TAS1R2: variants seen among roughly 807,000 people sequenced by gnomAD.
TAS1R2 encodes the protein taste 1 receptor member 2.
TAS1R2 carries 47 observed loss-of-function variants against 49.3 expected under a neutral mutation model. That is an observed-to-expected ratio of 0.95 (90% CI 0.75 to 1.22). The LOEUF (loss-of-function observed/expected upper bound fraction) is 1.22, where lower values mean the gene tolerates loss of function less well. TAS1R2 is among the 50% of genes most tolerant of loss of function. The pLI is 0.00. For missense variants in TAS1R2, 1,155 were observed against 1,122.1 expected, an observed-to-expected ratio of 1.03 and a Z score of -0.42; for synonymous variants, 479 against 467.9, an observed-to-expected ratio of 1.02 and a Z score of -0.31.
intron 4 of TAS1R2, among the ~76,000 whole-genome samples, chr1:18,846,214 T>C (rs1328148772): frequency 6.6e-6 from 1 of 152,206 alleles, no homozygotes; most frequent in Non-Finnish European, 1.5e-5. Context: ...GAAATGCCCA[T>C]GGGAGGCCTC....
rs201628216 is a variant in TAS1R2 at position 18,840,509 on chromosome 1, G to T, written c.1610C>A (p.Ala537Asp). 4.3e-6 allele frequency: 7 copies of T among 1,614,048 alleles called. No homozygotes were observed. The African/African-American group carries it at 6.7e-5, about 15-fold the overall frequency. Residue 537 changes from alanine (A) to aspartate (D), a missense_variant, in exon 6 of 6, where the codon GCC (alanine) becomes GAC (aspartate). Physicochemically the swap from Ala to Asp is moderately radical, Grantham distance 126. Coordinates refer to ENST00000375371, the Ensembl canonical transcript of TAS1R2. ...GTAGGACCACTCGTTATTCGGGCAG[G>T]CCTGGCATTCATATTCATCTGCAAA...
intron 4 of TAS1R2, among the ~76,000 whole-genome samples, chr1:18,843,120 T>C (rs943825745): frequency 2.5e-4 from 38 of 152,248 alleles, no homozygotes; most frequent in Non-Finnish European, 4.9e-4. Flanking sequence ...TATCTTATCG[T>C]AGAGTTTACT....
At chr1:18,849,847 C>T (rs547026121) in intron 3 of TAS1R2, among the ~76,000 whole-genome samples, 9 of 152,284 alleles carry the variant, frequency 5.9e-5, no homozygotes, top group Non-Finnish European at 1.2e-4. Flanking sequence ...AATAAAAACT[C>T]TATCTTCTGG....
chr1:18,840,420 T>C lies in TAS1R2; in HGVS notation c.1699A>G (p.Ile567Val). Residue 567 changes from isoleucine to valine, a missense_variant, in exon 6 of 6, where the codon ATC becomes GTC. Transcript: ENST00000375371. Reference sequence around the variant, plus strand: ...AGGGCGGCCAGCAGGGCCACAGCGATGGTGGGTGCCTCATGCCATTCCAGG... The same window carrying C: ...AGGGCGGCCAGCAGGGCCACAGCGACGGTGGGTGCCTCATGCCATTCCAGG... 17 of 1,614,100 alleles carry C rather than the reference T, an allele frequency of 1.1e-5. No individual in the cohort carries two copies. Among genetic ancestry groups the C allele is most frequent in the Non-Finnish European group, 1.4e-5 (16 of 1,179,992 alleles).
chr1:18,851,155 G>A (rs917039760), intron 3 of TAS1R2, among the ~76,000 whole-genome samples: 3 of 152,078 alleles, frequency 2.0e-5, no homozygotes, highest in African/African-American at 7.2e-5. Context: ...TACAATGTAC[G>A]AACAGGTGGG....
At chr1:18,843,831 C>A (rs1456899220) in intron 4 of TAS1R2, among the ~76,000 whole-genome samples, 1 of 152,208 alleles carries the variant, frequency 6.6e-6, no homozygotes, top group East Asian at 1.9e-4. Flanking sequence ...ATCAGATTCA[C>A]AGAGTCTTAT....
Position 18,854,403 on chromosome 1 carries a change from C to T in TAS1R2, c.1067G>A (p.Ser356Asn). 6.2e-7 allele frequency: 1 copy of T among 1,613,980 alleles called. No individual in the cohort carries two copies. ...GTCGCACTCCTGGTTGCAGGTATAGCTCTGGCTGGTCCTGCTGAGGGGTGG... is the reference window on the plus strand; with the variant it reads ...GTCGCACTCCTGGTTGCAGGTATAGTTCTGGCTGGTCCTGCTGAGGGGTGG... Residue 356 changes from serine (S) to asparagine (N), a missense_variant, in exon 3 of 6, where the codon AGC (serine) becomes AAC (asparagine). Physicochemically the swap from Ser to Asn is conservative, Grantham distance 46. Transcript: ENST00000375371. This position sits in a 1 kb window ranked among gnomAD's most constrained non-coding sequence, Gnocchi z 4.9.
intron 4 of TAS1R2, among the ~76,000 whole-genome samples, chr1:18,845,305 AG>A (rs1933896738): frequency 6.6e-6 from 1 of 152,230 alleles, no homozygotes; most frequent in Non-Finnish European, 1.5e-5. Context: ...AGCTCAGCTA[AG>A]GTACCATCTT....
intron 5 of TAS1R2, 33 bp from the exon 6 acceptor site, chr1:18,840,560 G>A: frequency 6.2e-7 from 1 of 1,612,126 alleles, no homozygotes; most frequent in Non-Finnish European, 8.5e-7. Flanking sequence ...CATTAGCCAA[G>A]CCCATCTTCC....
At chr1:18,853,817 CA>C (rs1470867163) in intron 3 of TAS1R2, among the ~76,000 whole-genome samples, 1 of 152,130 alleles carries the variant, frequency 6.6e-6, no homozygotes, top group African/African-American at 2.4e-5. Context: ...GCCAGAAGAA[CA>C]GATTTAAAGT....
intron 4 of TAS1R2, among the ~76,000 whole-genome samples, chr1:18,848,123 T>C (rs537692496): frequency 2.0e-5 from 3 of 152,228 alleles, no homozygotes; most frequent in South Asian, 4.1e-4. Context: ...AGCCAAGCCA[T>C]ATCACAGGCT....
exon 2 of TAS1R2, chr1:18,857,348 G>C (rs755680639): frequency 6.2e-7 from 1 of 1,613,946 alleles, no homozygotes. Context: ...AGGAGAAATA[G>C]GGAGAGGAAG....
intron 4 of TAS1R2, among the ~76,000 whole-genome samples, chr1:18,844,258 A>G (rs1336961665): frequency 6.6e-6 from 1 of 152,154 alleles, no homozygotes; most frequent in Non-Finnish European, 1.5e-5. Context: ...GATATTCTTG[A>G]GATCCTGGAC....
intron 4 of TAS1R2, among the ~76,000 whole-genome samples, chr1:18,844,640 G>C (rs2100509742): frequency 6.6e-6 from 1 of 152,308 alleles, no homozygotes; most frequent in East Asian, 1.9e-4. Context: ...TGTAATCCCA[G>C]CTACTTGGGA....
intron 2 of TAS1R2, among the ~76,000 whole-genome samples, chr1:18,855,298 T>C (rs1409136744): frequency 1.3e-5 from 2 of 152,188 alleles, no homozygotes; most frequent in Non-Finnish European, 2.9e-5. Flanking sequence ...TGGCTTTTAT[T>C]GAGAACCACA....
At chr1:18,858,143 C>T (rs1382096962) in intron 1 of TAS1R2, 1 of 160,562 alleles carries the variant, frequency 6.2e-6, no homozygotes. Context: ...CCACCAACAT[C>T]ATCATCACTA....
intron 1 of TAS1R2, 130 bp downstream of exon 1, chr1:18,859,349 G>A (rs1934199359): frequency 8.8e-7 from 1 of 1,133,180 alleles, no homozygotes; most frequent in East Asian, 2.4e-5. Flanking sequence ...CAGAATAAGG[G>A]GGTTGGCAAT....
intron 3 of TAS1R2, among the ~76,000 whole-genome samples, chr1:18,851,543 C>A (rs1934025400): frequency 6.6e-6 from 1 of 152,064 alleles, no homozygotes; most frequent in Non-Finnish European, 1.5e-5. Context: ...GTTGGCCAGG[C>A]TGGTCTCGAA....
chr1:18,844,179 G>A (rs1198245437), intron 4 of TAS1R2, among the ~76,000 whole-genome samples: 1 of 152,212 alleles, frequency 6.6e-6, no homozygotes, highest in Non-Finnish European at 1.5e-5. Context: ...GATACTGCTT[G>A]TATGTGGAGA....
Sources: gnomAD v4.1 joint callset for allele counts (sites outside exome capture counted in the v4.1 genomes callset) on GRCh38, gnomAD v4.1.1 for gene constraint, Gnocchi (gnomAD v3.1) non-coding constraint, MANE v1.5 for transcripts, NCBI Gene and HGNC (gene_info 2026-07-23, HGNC 2026-07-21) for gene names.